DFFB: variants seen among roughly 807,000 people sequenced by gnomAD.
The protein encoded by DFFB is DNA fragmentation factor subunit beta.
DFFB carries 29 observed loss-of-function variants against 32.7 expected under a neutral mutation model. That is an observed-to-expected ratio of 0.89 (90% CI 0.66 to 1.21). DFFB has a LOEUF of 1.21. Among genes scored for constraint, DFFB ranks in the 50% most tolerant of loss-of-function variants. The pLI is 0.00. For synonymous variants in DFFB, 170 were observed against 177.1 expected (o/e 0.96, Z 0.32); for missense variants, 398 against 440.6 (o/e 0.90, Z 0.87).
chr1:3,882,278 C>T (rs1245260942), intron 6 of DFFB, among the ~76,000 whole-genome samples: 2 of 151,976 alleles, frequency 1.3e-5, no homozygotes, highest in African/African-American at 4.8e-5. Flanking sequence ...TGGTCTCAAA[C>T]TCCTGGCCTC....
rs1316001307 is a variant in DFFB at position 3,884,729 on chromosome 1, G to C, written c.*988G>C. On this transcript the variant is annotated 3_prime_UTR_variant, in exon 7 of 7. Transcript: ENST00000378209. Reference sequence around the variant, plus strand: ...GGGATTACAGGCACCTACCACCAGGGCCAGCTAATTTTTGTATGTTTAGTA... The same window carrying C: ...GGGATTACAGGCACCTACCACCAGGCCCAGCTAATTTTTGTATGTTTAGTA... 2.0e-5 allele frequency: 3 copies of C among 152,088 alleles called. No individual in the cohort carries two copies. The highest frequency in any genetic ancestry group is 7.2e-5 in the African/African-American group (3 of 41,462). 9.4% of individuals were successfully genotyped at this position (152,088 alleles called of 1,614,324 possible). A position where few individuals can be genotyped will look rare whatever the true frequency, so the allele number is the denominator to read the frequency against.
chr1:3,884,125 C>T lies in DFFB; in HGVS notation c.*384C>T, dbSNP rs568332613. ...TCTCAAACTCCTGACCTCAGGTGATCCGCCCACCTCAGCCTCCCAAAGTGC... is the reference window on the plus strand; with the variant it reads ...TCTCAAACTCCTGACCTCAGGTGATTCGCCCACCTCAGCCTCCCAAAGTGC... On this transcript the variant is annotated 3_prime_UTR_variant, in exon 7 of 7. Coordinates refer to ENST00000378209, the MANE Select transcript of DFFB (RefSeq NM_004402.4). 8.4e-5 allele frequency: 20 copies of T among 239,502 alleles called. No homozygotes were observed. In the South Asian group the frequency reaches 1.1e-3, roughly 13 times the overall value. The allele number at this position is 239,502 out of a possible 1,614,324, so 14.8% of individuals were successfully genotyped here. A position where few individuals can be genotyped will look rare whatever the true frequency, so the allele number is the denominator to read the frequency against.
At chr1:3,858,348 G>A (rs1644801506) in intron 1 of DFFB, among the ~76,000 whole-genome samples, 1 of 152,206 alleles carries the variant, frequency 6.6e-6, no homozygotes, top group South Asian at 2.1e-4. Flanking sequence ...TGCCAGCACC[G>A]CTCTGGCGGC....
chr1:3,858,668 C>A, intron 1 of DFFB, 50 bp from the exon 2 acceptor site: 1 of 1,595,300 alleles, frequency 6.3e-7, no homozygotes, highest in South Asian at 1.1e-5. Flanking sequence ...AGATGCAAAG[C>A]CCTCGTCTTG....
intron 6 of DFFB, among the ~76,000 whole-genome samples, chr1:3,877,695 G>C (rs1197727189): frequency 6.6e-6 from 1 of 152,296 alleles, no homozygotes; most frequent in East Asian, 1.9e-4. Context: ...TTTTACAGAA[G>C]TCTTTTTAGT....
At chr1:3,860,078 A>C (rs1450719343) in intron 2 of DFFB, among the ~76,000 whole-genome samples, 1 of 152,046 alleles carries the variant, frequency 6.6e-6, no homozygotes, top group Non-Finnish European at 1.5e-5. Context: ...TAGACTTAAA[A>C]AAAATTTTTT....
At chr1:3,871,713 G>T (rs1416698300) in intron 5 of DFFB, among the ~76,000 whole-genome samples, 1 of 152,210 alleles carries the variant, frequency 6.6e-6, no homozygotes, top group Admixed American at 6.5e-5. Flanking sequence ...TTGCTATAAA[G>T]AAATAGAGAG....
intron 6 of DFFB, among the ~76,000 whole-genome samples, chr1:3,883,219 G>T (rs1185548927): frequency 6.6e-6 from 1 of 152,138 alleles, no homozygotes; most frequent in Non-Finnish European, 1.5e-5. Flanking sequence ...TGGCCAAGCT[G>T]GTCTCGAACT....
At chr1:3,867,123 C>T (rs1202081034) in intron 3 of DFFB, among the ~76,000 whole-genome samples, 1 of 152,148 alleles carries the variant, frequency 6.6e-6, no homozygotes, top group Non-Finnish European at 1.5e-5. Context: ...GTCTCAATCT[C>T]CTGACCTCGT....
At chr1:3,858,554 G>T (rs1644807788) in intron 1 of DFFB, among the ~76,000 whole-genome samples, 164 bp from the exon 2 acceptor site, 1 of 152,220 alleles carries the variant, frequency 6.6e-6, no homozygotes, top group Non-Finnish European at 1.5e-5. Flanking sequence ...CCTTGCTCCC[G>T]CTCCCTCATC....
At chr1:3,868,420 A>C (rs1570913693) in intron 4 of DFFB, among the ~76,000 whole-genome samples, 1 of 152,054 alleles carries the variant, frequency 6.6e-6, no homozygotes, top group East Asian at 1.9e-4. Context: ...AACTGTGACC[A>C]AGGTCAGCAG....
At chr1:3,863,632 G>A (rs1240195249) in intron 2 of DFFB, among the ~76,000 whole-genome samples, 1 of 152,156 alleles carries the variant, frequency 6.6e-6, no homozygotes, top group East Asian at 1.9e-4. Context: ...TGAACACTTG[G>A]ATCAATAGAG....
At chr1:3,867,940 T>C (rs1441654956) in intron 3 of DFFB, 34 bp from the exon 4 acceptor site, 1 of 1,610,630 alleles carries the variant, frequency 6.2e-7, no homozygotes, top group East Asian at 2.2e-5. Context: ...TGGCCTGCCC[T>C]GTGGACTTGG....
Position 3,857,492 on chromosome 1 carries a change from C to G in DFFB, c.-112C>G. On this transcript the variant is annotated 5_prime_UTR_variant, in exon 1 of 7. Coordinates refer to ENST00000378209, the MANE Select transcript of DFFB (RefSeq NM_004402.4). ...GGGATCGGCACCCGGCCTGTGCCAG[C>G]TTGCAGAGCTCACCAGGTGCAGACC... 1.5e-6 allele frequency: 1 copy of G among 685,792 alleles called. No homozygotes were observed. Among genetic ancestry groups the G allele is most frequent in the Non-Finnish European group, 2.3e-6 (1 of 441,210 alleles). 42.5% of individuals were successfully genotyped at this position (685,792 alleles called of 1,614,324 possible).
At chr1:3,874,810 G>A (rs1570933712) in intron 6 of DFFB, among the ~76,000 whole-genome samples, 1 of 150,312 alleles carries the variant, frequency 6.7e-6, no homozygotes, top group South Asian at 2.1e-4. Flanking sequence ...CTCCCATGCT[G>A]TGGTCTGCAG....
intron 3 of DFFB, chr1:3,866,513 C>T (rs895700028): frequency 3.3e-5 from 6 of 181,180 alleles, no homozygotes; most frequent in Non-Finnish European, 7.1e-5. Context: ...GCTAGGATTA[C>T]AGGCGGGAGC....
At chr1:3,872,657 C>G (rs910681363) in intron 6 of DFFB, 85 bp downstream of exon 6, 2 of 1,247,340 alleles carry the variant, frequency 1.6e-6, no homozygotes, top group Admixed American at 1.8e-5. Flanking sequence ...ATGGCCCTGT[C>G]CCTGCCACGG....
In DFFB at chr1:3,865,709, C is replaced by A. The variant is rs539442846; in HGVS notation, c.242-103C>A. ...AGTCTGAGTCCTGGTGATTGCCAGGCCCTGGGGAATGGGGGAAGATGTGGT... is the reference window on the plus strand; with the variant it reads ...AGTCTGAGTCCTGGTGATTGCCAGGACCTGGGGAATGGGGGAAGATGTGGT... On this transcript the variant is annotated intron_variant, in intron 2 of 6. Transcript: ENST00000378209. The surrounding 1 kb of genome is among the most constrained non-coding windows in gnomAD (Gnocchi z 4.7). The A allele has an allele frequency of 8.1e-4, 1,282 of 1,577,236 alleles. 1 individual carries two copies. The highest frequency in any genetic ancestry group is 1.1e-3 in the Non-Finnish European group (1,234 of 1,146,570).
At position 3,865,990 on chromosome 1, in the gene DFFB, G is replaced by A. The variant is rs371766008; in HGVS notation, c.420G>A (p.Pro140=). The change falls in exon 3 of 7, where the codon CCG becomes CCA. Residue 140 remains proline (P), a synonymous_variant. Transcript: ENST00000378209. The surrounding 1 kb of genome is among the most constrained non-coding windows in gnomAD (Gnocchi z 4.7). ...IAAETRAEDP[P]WFEGLESRFQ... ...CCGAGACCCGGGCTGAGGACCCGCC[G>A]TGGTTTGAAGGTGCGTGGGGGCTGC... The A allele has an allele frequency of 2.4e-5, 38 of 1,566,964 alleles. No homozygotes were observed. The highest frequency in any genetic ancestry group is 4.1e-4 in the Middle Eastern group (2 of 4,934).
Sources: allele counts gnomAD v4.1 joint callset (sites outside exome capture counted in the v4.1 genomes callset), GRCh38; gene constraint gnomAD v4.1.1; non-coding constraint Gnocchi (gnomAD v3.1); transcripts MANE v1.5; gene names NCBI Gene and HGNC (gene_info 2026-07-23, HGNC 2026-07-21).